The following EYS variants were observed in gnomAD, a reference collection of about 807,000 sequenced individuals.
EYS encodes the protein protein eyes shut homolog.
Under a neutral mutation model 282.1 loss-of-function variants are expected in EYS, and 250 were observed. The ratio of observed to expected loss-of-function variants is 0.89; its 90% CI spans 0.80 to 0.98. The LOEUF is 0.98. Among genes scored for constraint, EYS ranks in the 50% least tolerant of loss-of-function variants. The pLI is 0.00. For missense variants in EYS, 4,016 were observed against 3,709.0 expected, an observed-to-expected ratio of 1.08 and a Z score of -2.15; for synonymous variants, 1,355 against 1,282.9, an observed-to-expected ratio of 1.06 and a Z score of -1.20.
Position 64,747,945 on chromosome 6 carries a change from C to T in EYS, c.3443+65433G>A, listed in dbSNP as rs926347186. 3.9e-5 allele frequency among the ~76,000 whole-genome samples: 6 copies of T among 152,188 alleles called. No homozygotes were observed. The South Asian group carries it at 1.2e-3, about 32-fold the overall frequency. On this transcript the variant is annotated intron_variant, in intron 22 of 42. Transcript: ENST00000503581. ...TTTTATGTCTGCTGATGAACATACA[C>T]TTTGTCAGTTGTTGGTTACTTCTCT...
chr6:64,936,179 A>T (rs1360462400), intron 15 of EYS, among the ~76,000 whole-genome samples: 2 of 151,614 alleles, frequency 1.3e-5, no homozygotes, highest in Admixed American at 6.6e-5. Context: ...TTAATAGAAT[A>T]TAAGACAAAT....
chr6:65,168,074 T>C (rs541406605), intron 12 of EYS, among the ~76,000 whole-genome samples: 1 of 151,248 alleles, frequency 6.6e-6, no homozygotes. Flanking sequence ...TTCTCTATTT[T>C]TTTCTACTAG....
chr6:65,548,555 G>A (rs184003023), intron 2 of EYS, among the ~76,000 whole-genome samples: 4 of 152,238 alleles, frequency 2.6e-5, no homozygotes, highest in African/African-American at 4.8e-5. Context: ...TTTCCACAGC[G>A]ATTCAATCTG....
At chr6:63,767,594 G>A (rs962287562) in intron 40 of EYS, among the ~76,000 whole-genome samples, 2 of 151,884 alleles carry the variant, frequency 1.3e-5, no homozygotes, top group East Asian at 3.9e-4. Context: ...ACAAACAAAT[G>A]AAAAAAGATT....
intron 5 of EYS, among the ~76,000 whole-genome samples, chr6:65,487,939 T>C (rs2127263282): frequency 6.6e-6 from 1 of 152,336 alleles, no homozygotes. Flanking sequence ...CCATTTCTTC[T>C]ATATTTTCTA....
chr6:65,531,910 A>T (rs1290167617), intron 2 of EYS, among the ~76,000 whole-genome samples: 1 of 152,102 alleles, frequency 6.6e-6, no homozygotes, highest in Non-Finnish European at 1.5e-5. Context: ...AATTCACAAG[A>T]TCTGGTTGGT....
At chr6:64,936,265 A>G (rs530914809) in intron 15 of EYS, among the ~76,000 whole-genome samples, 1 of 151,484 alleles carries the variant, frequency 6.6e-6, no homozygotes, top group African/African-American at 2.4e-5. Flanking sequence ...CAAAAAAAAC[A>G]CTCAACAAAC....
intron 2 of EYS, among the ~76,000 whole-genome samples, chr6:65,607,026 T>A (rs1411661867): frequency 6.6e-6 from 1 of 151,878 alleles, no homozygotes; most frequent in African/African-American, 2.4e-5. Flanking sequence ...TATTTATTTA[T>A]GAAAACTGAA....
chr6:64,714,785 C>G (rs1014505082), intron 22 of EYS, among the ~76,000 whole-genome samples: 2 of 152,104 alleles, frequency 1.3e-5, no homozygotes, highest in African/African-American at 2.4e-5. Context: ...CTCGGCCTCC[C>G]AAAGTGCTGG....
intron 12 of EYS, among the ~76,000 whole-genome samples, chr6:65,172,513 A>G (rs1765127576): frequency 6.6e-6 from 1 of 151,422 alleles, no homozygotes; most frequent in African/African-American, 2.4e-5. Flanking sequence ...TTTATGTTTA[A>G]TTTATTGAAT....
intron 22 of EYS, among the ~76,000 whole-genome samples, chr6:64,806,728 A>T (rs1764440170): frequency 6.6e-6 from 1 of 152,022 alleles, no homozygotes; most frequent in Non-Finnish European, 1.5e-5. Flanking sequence ...AAAAAATCAT[A>T]TAAGATTAAA....
intron 22 of EYS, chr6:64,728,687 C>G (rs1188794107): frequency 6.6e-6 from 1 of 152,294 alleles, no homozygotes; most frequent in Non-Finnish European, 1.5e-5. Context: ...AAGTCTTAAA[C>G]AGCTCAGTGG....
intron 5 of EYS, among the ~76,000 whole-genome samples, chr6:65,428,634 C>T (rs1245619931): frequency 2.0e-5 from 3 of 151,982 alleles, no homozygotes; most frequent in African/African-American, 7.2e-5. Flanking sequence ...CTGACCACTT[C>T]GACGCATAAA....
intron 28 of EYS, among the ~76,000 whole-genome samples, chr6:64,422,846 T>C (rs1017399916): frequency 2.6e-5 from 4 of 152,180 alleles, no homozygotes; most frequent in South Asian, 2.1e-4. Flanking sequence ...ATTTGTAGTG[T>C]AGATTTTTCC....
intron 30 of EYS, among the ~76,000 whole-genome samples, chr6:64,242,946 T>C (rs1176979610): frequency 3.4e-5 from 5 of 146,478 alleles, no homozygotes; most frequent in Non-Finnish European, 6.0e-5. Flanking sequence ...ATATATTTTA[T>C]ATATTATATA....
chr6:64,338,224 G>A (rs571226163), intron 29 of EYS, among the ~76,000 whole-genome samples: 5 of 151,864 alleles, frequency 3.3e-5, no homozygotes, highest in South Asian at 2.1e-4. Flanking sequence ...TGTTTACCTC[G>A]AAAACCCTAA....
chr6:65,418,765 T>C (rs1223118035), intron 5 of EYS, among the ~76,000 whole-genome samples: 3 of 151,858 alleles, frequency 2.0e-5, no homozygotes, highest in African/African-American at 7.3e-5. Context: ...CAGCAAACCA[T>C]CATGACAAAC....
rs185165112 is a variant in EYS at position 64,186,930 on chromosome 6, C to T, written c.6424+43662G>A. 7.2e-5 allele frequency among the ~76,000 whole-genome samples: 11 copies of T among 152,212 alleles called. No homozygotes were observed. In the East Asian group the frequency reaches 9.6e-4, roughly 13 times the overall value. ...CTTAGTTGTACTGTTTTCTTATCCC[C>T]GCTCCGACGCACTTGGGGAGCACAC... On this transcript the variant is annotated intron_variant, in intron 31 of 42. Transcript: ENST00000503581.
chr6:64,438,425 A>G (rs891894543), intron 27 of EYS, among the ~76,000 whole-genome samples: 5 of 151,746 alleles, frequency 3.3e-5, no homozygotes, highest in African/African-American at 9.7e-5. Flanking sequence ...TCTACTATAC[A>G]CTTATGAGAG....
Sources: gnomAD v4.1 joint callset for allele counts (sites outside exome capture counted in the v4.1 genomes callset) on GRCh38, gnomAD v4.1.1 for gene constraint, MANE v1.5 for transcripts, NCBI Gene and HGNC (gene_info 2026-07-23, HGNC 2026-07-21) for gene names.